The following DESI2 variants were observed in gnomAD, a reference collection of about 807,000 sequenced individuals.
The protein encoded by DESI2 is deubiquitinase DESI2.
In DESI2, 10 loss-of-function variants were observed where a neutral mutation model predicts 24.1. That is an observed-to-expected ratio of 0.41 (90% confidence interval 0.26 to 0.70). The LOEUF is 0.70. Among genes scored for constraint, DESI2 ranks in the 30% least tolerant of loss-of-function variants. The pLI, the probability that DESI2 is intolerant of heterozygous loss-of-function variation, is 0.29. For synonymous variants in DESI2, 71 were observed against 87.7 expected (o/e 0.81, Z 1.06); for missense variants, 122 against 234.9 (o/e 0.52, Z 3.14).
chr1:244,690,208 A>C (rs567763580), intron 3 of DESI2, among the ~76,000 whole-genome samples: 3 of 151,986 alleles, frequency 2.0e-5, no homozygotes, highest in Non-Finnish European at 4.4e-5. Context: ...TCCTAATGCT[A>C]TCCCTCCCCC....
chr1:244,702,873 T>C (rs898488230), intron 4 of DESI2, among the ~76,000 whole-genome samples: 2 of 152,178 alleles, frequency 1.3e-5, no homozygotes, highest in Non-Finnish European at 2.9e-5. Context: ...GGCTGTTGAA[T>C]AGGCAACAGT....
At chr1:244,694,366 T>TA (rs1677133672) in intron 4 of DESI2, 1 of 610,108 alleles carries the variant, frequency 1.6e-6, no homozygotes, top group African/African-American at 1.8e-5. Flanking sequence ...GTTCAAACTT[T>TA]AGTATTCATA....
chr1:244,678,104 G>A lies in DESI2; in HGVS notation c.43-8493G>A, dbSNP rs567271663. 2.0e-4 allele frequency among the ~76,000 whole-genome samples: 31 copies of A among 152,214 alleles called. 1 individual carries two copies. The South Asian group carries it at 6.0e-3, about 30-fold the overall frequency. ...TTCAACTTTCTATCTGAGAGTGGAG[G>A]TAACAGTACCACTTGCAAAGCAAGC... is the stretch of plus-strand genomic sequence containing the variant. On this transcript the variant is annotated intron_variant, in intron 1 of 4. Transcript: ENST00000302550.
intron 1 of DESI2, among the ~76,000 whole-genome samples, chr1:244,679,468 T>A (rs1676525908): frequency 6.6e-6 from 1 of 152,148 alleles, no homozygotes; most frequent in Admixed American, 6.5e-5. Flanking sequence ...TTTTGCTACA[T>A]TTACTTTCTC....
chr1:244,663,972 T>C lies in DESI2; in HGVS notation c.42+10617T>C, dbSNP rs564474291. Among the ~76,000 whole-genome samples, 329 of 142,490 alleles carry C rather than the reference T, an allele frequency of 2.3e-3. 2 individuals carry two copies. Among genetic ancestry groups the C allele is most frequent in the African/African-American group, 7.1e-3 (274 of 38,770 alleles). 93.5% of individuals were successfully genotyped at this position (142,490 alleles called of 152,430 possible). A position where few individuals can be genotyped will look rare whatever the true frequency, so the allele number is the denominator to read the frequency against. On this transcript the variant is annotated intron_variant, in intron 1 of 4. Transcript: ENST00000302550. The stretch of plus-strand genomic sequence containing the variant: ...GGCGGAGGTTGCAGTGAGCCGAGAT[T>C]GCGCCACTGCACGCCAGCCTGGGCG...
intron 4 of DESI2, among the ~76,000 whole-genome samples, chr1:244,696,763 T>C (rs377041963): frequency 3.9e-5 from 6 of 152,354 alleles, no homozygotes; most frequent in Admixed American, 6.5e-5. Context: ...CTTGGACTTC[T>C]GTAAGGTTCT....
chr1:244,668,095 G>A (rs904922810), intron 1 of DESI2, among the ~76,000 whole-genome samples: 1 of 152,188 alleles, frequency 6.6e-6, no homozygotes, highest in Non-Finnish European at 1.5e-5. Flanking sequence ...ACATACTTAA[G>A]AGTTCCTTAT....
intron 4 of DESI2, among the ~76,000 whole-genome samples, chr1:244,696,749 C>T (rs1330492272): frequency 6.6e-6 from 1 of 152,238 alleles, no homozygotes; most frequent in Admixed American, 6.5e-5. Flanking sequence ...CTGGCATCTG[C>T]GAGCTTGGAC....
intron 4 of DESI2, among the ~76,000 whole-genome samples, chr1:244,703,963 T>C (rs1453690226): frequency 6.6e-6 from 1 of 152,122 alleles, no homozygotes; most frequent in Non-Finnish European, 1.5e-5. Context: ...TGGGCCGAAA[T>C]ATTTTTAAGT....
At position 244,705,670 on chromosome 1, in the gene DESI2, C is replaced by A; in HGVS notation, c.466C>A (p.Gln156Lys). ...PKEWLTPAAL[Q>K]SSVSQELQDE... ...GGAGTGGCTCACGCCCGCAGCCCTG[C>A]AGTCTAGTGTCAGCCAAGAACTCCA... The change falls in exon 5 of 5, where the codon CAG (glutamine) becomes AAG (lysine). Residue 156 changes from glutamine (Q) to lysine (K), a missense_variant. By Grantham distance (53) the Gln-to-Lys change is moderately conservative. This residue lies in a region of DESI2 where 56 missense variants were observed against 67.9 expected (regional missense o/e 0.82). Transcript: ENST00000302550. 6.2e-7 allele frequency: 1 copy of A among 1,614,162 alleles called. No individual in the cohort carries two copies. Among genetic ancestry groups the A allele is most frequent in the Non-Finnish European group, 8.5e-7 (1 of 1,179,996 alleles).
chr1:244,686,619 C>T lies in DESI2; in HGVS notation c.65C>T (p.Ser22Leu). Residue 22 changes from serine (S) to leucine (L), a missense_variant, in exon 2 of 5, where the codon TCA becomes TTA. This residue lies in a region of DESI2 where 16 missense variants were observed against 65.7 expected (regional missense o/e 0.24). Transcript: ENST00000302550. Reference protein sequence around the residue: ...YDMYWMNEYTSSIGIGVFHSG... With the variant: ...YDMYWMNEYTLSIGIGVFHSG... ...CAGTATTGGATGAACGAATATACCT[C>T]ATCCATTGGAATTGGAGTTTTTCAT... The T allele has an allele frequency of 6.2e-7, 1 of 1,608,390 alleles. No individual in the cohort carries two copies. Among genetic ancestry groups the T allele is most frequent in the Non-Finnish European group, 8.5e-7 (1 of 1,174,912 alleles).
intron 4 of DESI2, among the ~76,000 whole-genome samples, chr1:244,694,070 TA>T (rs758708584): frequency 6.6e-6 from 1 of 152,212 alleles, no homozygotes; most frequent in Non-Finnish European, 1.5e-5. Flanking sequence ...CAGTTGCAAA[TA>T]AGCAAAATCA....
chr1:244,653,857 T>C, intron 1 of DESI2: 1 of 457,108 alleles, frequency 2.2e-6, no homozygotes, highest in Admixed American at 2.4e-5. Context: ...GTGCCTGTGC[T>C]AGAATCTCTT....
chr1:244,692,136 G>A, intron 4 of DESI2, 116 bp downstream of exon 4: 1 of 914,126 alleles, frequency 1.1e-6, no homozygotes, highest in East Asian at 2.7e-5. Context: ...TGTGTTGTAT[G>A]AAATATGGTA....
chr1:244,659,525 G>T (rs1452698790), intron 1 of DESI2, among the ~76,000 whole-genome samples: 1 of 152,170 alleles, frequency 6.6e-6, no homozygotes, highest in Non-Finnish European at 1.5e-5. Context: ...TCCTCTCTCA[G>T]TTGCTTCAAG....
At chr1:244,674,691 T>C (rs1428216780) in intron 1 of DESI2, among the ~76,000 whole-genome samples, 1 of 152,244 alleles carries the variant, frequency 6.6e-6, no homozygotes, top group East Asian at 1.9e-4. Flanking sequence ...ATCAAATACC[T>C]CATTCCTTTT....
At chr1:244,696,819 T>C (rs934964717) in intron 4 of DESI2, among the ~76,000 whole-genome samples, 3 of 152,188 alleles carry the variant, frequency 2.0e-5, no homozygotes, top group African/African-American at 7.2e-5. Context: ...GCCTAACCTG[T>C]TTGTACAACT....
intron 1 of DESI2, among the ~76,000 whole-genome samples, chr1:244,671,104 A>T (rs920427442): frequency 2.0e-5 from 3 of 152,218 alleles, no homozygotes; most frequent in Non-Finnish European, 2.9e-5. Flanking sequence ...TAACTCTTCT[A>T]CTGTTTCGCG....
intron 4 of DESI2, among the ~76,000 whole-genome samples, chr1:244,696,135 CATG>C (rs1303673016): frequency 6.6e-6 from 1 of 152,190 alleles, no homozygotes; most frequent in East Asian, 1.9e-4. Context: ...AACATAACCA[CATG>C]ATGTCATCAC....
Sources: gnomAD v4.1 joint callset for allele counts (sites outside exome capture counted in the v4.1 genomes callset) on GRCh38, gnomAD v4.1.1 for gene constraint, gnomAD v4.1.1 regional missense constraint, MANE v1.5 for transcripts, NCBI Gene and HGNC (gene_info 2026-07-23, HGNC 2026-07-21) for gene names.